Variants in HS3ST5 observed in about 807,000 individuals in gnomAD.
HS3ST5 encodes heparan sulfate-glucosamine 3-sulfotransferase 5.
In HS3ST5, 10 loss-of-function variants were observed where a neutral mutation model predicts 25.4. That is an observed-to-expected ratio of 0.39 (90% CI 0.24 to 0.67). The LOEUF (loss-of-function observed/expected upper bound fraction) is 0.67, where lower values mean the gene tolerates loss of function less well. Ranked by LOEUF, HS3ST5 falls within the 30% of genes least tolerant of loss-of-function variation. The pLI is 0.44. For synonymous variants in HS3ST5, 170 were observed against 162.4 expected (o/e 1.05, Z -0.36); for missense variants, 324 against 420.7 (o/e 0.77, Z 2.01).
chr6:114,066,785 T>C (rs1773474855), intron 3 of HS3ST5, among the ~76,000 whole-genome samples: 1 of 152,258 alleles, frequency 6.6e-6, no homozygotes, highest in African/African-American at 2.4e-5. Flanking sequence ...TGCAGGCATT[T>C]TGTGCCTCCC....
At chr6:114,110,004 G>A (rs746652139) in intron 3 of HS3ST5, among the ~76,000 whole-genome samples, 7 of 152,096 alleles carry the variant, frequency 4.6e-5, no homozygotes, top group Admixed American at 2.0e-4. Flanking sequence ...CTCTCAACAT[G>A]CCATGTCATT....
At chr6:114,236,586 GTTTGGC>G (rs1450056158) in intron 1 of HS3ST5, among the ~76,000 whole-genome samples, 1 of 152,154 alleles carries the variant, frequency 6.6e-6, no homozygotes, top group African/African-American at 2.4e-5. Flanking sequence ...ATAATAGAAT[GTTTGGC>G]TTATAGTGGA....
intron 3 of HS3ST5, among the ~76,000 whole-genome samples, chr6:114,167,207 T>G (rs1779260966): frequency 6.6e-6 from 1 of 152,172 alleles, no homozygotes; most frequent in Non-Finnish European, 1.5e-5. Context: ...CACATGTGTG[T>G]GAGACAATAT....
chr6:114,102,541 A>G (rs1274679652), intron 3 of HS3ST5, among the ~76,000 whole-genome samples: 1 of 152,166 alleles, frequency 6.6e-6, no homozygotes, highest in Non-Finnish European at 1.5e-5. Flanking sequence ...ACAGACAGGG[A>G]TAACTTAAAG....
chr6:114,106,697 T>A (rs966025887), intron 3 of HS3ST5, among the ~76,000 whole-genome samples: 2 of 152,228 alleles, frequency 1.3e-5, no homozygotes, highest in African/African-American at 2.4e-5. Context: ...ATACCATTAC[T>A]GAAATCACTT....
intron 1 of HS3ST5, among the ~76,000 whole-genome samples, chr6:114,324,640 T>C (rs1320694467): frequency 1.3e-5 from 2 of 152,252 alleles, no homozygotes; most frequent in African/African-American, 4.8e-5. Flanking sequence ...TGTTTTTATG[T>C]TCTTTGCCTC....
intron 1 of HS3ST5, among the ~76,000 whole-genome samples, chr6:114,262,955 A>C (rs1333028942): frequency 6.6e-6 from 1 of 152,164 alleles, no homozygotes; most frequent in African/African-American, 2.4e-5. Context: ...ATTATTAGTA[A>C]TATGCTTGAA....
chr6:114,330,061 A>G (rs1398931309), intron 1 of HS3ST5, among the ~76,000 whole-genome samples: 1 of 152,106 alleles, frequency 6.6e-6, no homozygotes, highest in Admixed American at 6.6e-5. Flanking sequence ...AGTGGTATAA[A>G]TGTCCCCATT....
chr6:114,164,843 A>G (rs188431088), intron 3 of HS3ST5, among the ~76,000 whole-genome samples: 3 of 152,194 alleles, frequency 2.0e-5, no homozygotes, highest in Admixed American at 6.5e-5. Flanking sequence ...AAAGCACCTC[A>G]CAGTTTTATA....
At chr6:114,224,590 A>G (rs1157470888) in intron 2 of HS3ST5, among the ~76,000 whole-genome samples, 2 of 151,172 alleles carry the variant, frequency 1.3e-5, no homozygotes, top group East Asian at 3.9e-4. Context: ...ATCTGCTTAT[A>G]CTTCTATAGT....
At chr6:114,146,125 T>C (rs872441) in intron 3 of HS3ST5, among the ~76,000 whole-genome samples, 43,946 of 152,086 alleles carry the variant, frequency 0.29, 6,781 homozygotes, top group South Asian at 0.45. Flanking sequence ...GTCCAGTTGC[T>C]TCTAGATATG....
At chr6:114,251,863 G>C (rs1478595648) in intron 1 of HS3ST5, 1 of 152,222 alleles carries the variant, frequency 6.6e-6, no homozygotes, top group Non-Finnish European at 1.5e-5. Flanking sequence ...ATCAAGAGTA[G>C]TCTGATGCTA....
rs574752242 is a variant in HS3ST5 at position 114,322,082 on chromosome 6, T to A, written c.-339+20113A>T. Among the ~76,000 whole-genome samples, 5 of 152,276 alleles carry A rather than the reference T, an allele frequency of 3.3e-5. No homozygotes were observed. The South Asian group carries it at 1.0e-3, about 32-fold the overall frequency. ...ACAGACTTTTCCTTGGCATGATAATTCTTGTTAGTAGCATTAACTACAAGT... is the reference window on the plus strand; with the variant it reads ...ACAGACTTTTCCTTGGCATGATAATACTTGTTAGTAGCATTAACTACAAGT... On this transcript the variant is annotated intron_variant, in intron 1 of 4. Transcript: ENST00000312719.
At chr6:114,095,553 G>A (rs1302952477) in intron 3 of HS3ST5, among the ~76,000 whole-genome samples, 3 of 152,118 alleles carry the variant, frequency 2.0e-5, no homozygotes, top group Non-Finnish European at 2.9e-5. Flanking sequence ...GCAGGGTGGT[G>A]CTAAGGCCTT....
chr6:114,247,350 G>T (rs1772429316), intron 1 of HS3ST5, among the ~76,000 whole-genome samples: 1 of 152,134 alleles, frequency 6.6e-6, no homozygotes, highest in Non-Finnish European at 1.5e-5. Context: ...AACATATTAG[G>T]CTGGTCTTTA....
intron 2 of HS3ST5, among the ~76,000 whole-genome samples, chr6:114,202,930 C>A (rs1436332939): frequency 6.6e-6 from 1 of 152,150 alleles, no homozygotes; most frequent in South Asian, 2.1e-4. Flanking sequence ...TGAACATTAT[C>A]TTCTAGGCTT....
intron 1 of HS3ST5, among the ~76,000 whole-genome samples, chr6:114,240,009 T>TACACACACACACACACAC (rs149926688): frequency 1.7e-4 from 25 of 148,996 alleles, no homozygotes; most frequent in Non-Finnish European, 2.8e-4. Context: ...AGCACACACA[T>TACACACACACACACACAC]ACACACACAC....
At chr6:114,326,614 G>A (rs1488530818) in intron 1 of HS3ST5, among the ~76,000 whole-genome samples, 1 of 152,082 alleles carries the variant, frequency 6.6e-6, no homozygotes, top group South Asian at 2.1e-4. Flanking sequence ...TTGAAATATT[G>A]AGTTGTCAAA....
intron 3 of HS3ST5, chr6:114,131,113 T>C (rs188586074): frequency 1.9e-4 from 29 of 152,352 alleles, no homozygotes; most frequent in African/African-American, 7.0e-4. Context: ...GCAAGCATCA[T>C]CACTGAATGC....
Sources: gnomAD v4.1 joint callset for allele counts (sites outside exome capture counted in the v4.1 genomes callset) on GRCh38, gnomAD v4.1.1 for gene constraint, MANE v1.5 for transcripts, NCBI Gene and HGNC (gene_info 2026-07-23, HGNC 2026-07-21) for gene names.